Variants in ANK2 observed in about 807,000 individuals in gnomAD.
The protein encoded by ANK2 is ankyrin-2.
In ANK2, 83 loss-of-function variants were observed where a neutral mutation model predicts 360.5. That is an observed-to-expected ratio of 0.23 (90% CI 0.19 to 0.28). The LOEUF (loss-of-function observed/expected upper bound fraction) is 0.28. Among genes scored for constraint, ANK2 ranks in the 10% least tolerant of loss-of-function variants. The probability of loss-of-function intolerance (pLI) is 1.00; values close to 1 mark genes in which losing one functional copy is unlikely to be tolerated. For synonymous variants in ANK2, 1,740 were observed against 1,759.5 expected, an observed-to-expected ratio of 0.99 and a Z score of 0.28; for missense variants, 4,201 against 4,795.7, an observed-to-expected ratio of 0.88 and a Z score of 3.66.
At chr4:112,883,333 C>T (rs1404926020) in intron 1 of ANK2, among the ~76,000 whole-genome samples, 1 of 151,976 alleles carries the variant, frequency 6.6e-6, no homozygotes, top group Non-Finnish European at 1.5e-5. Flanking sequence ...GCCACCGCAC[C>T]CGGCCTGCTT....
rs865837638 is a variant in ANK2, at chr4:113,001,352, G to A, written c.21+96838G>A. 7.5e-3 allele frequency among the ~76,000 whole-genome samples: 1,062 copies of A among 141,234 alleles called. 16 individuals carry two copies. Among genetic ancestry groups the A allele is most frequent in the African/African-American group, 0.027 (1,013 of 36,930 alleles). 92.7% of individuals were successfully genotyped at this position (141,234 alleles called of 152,430 possible). On this transcript the variant is annotated intron_variant, in intron 2 of 30. Transcript: ENST00000503271. Reference sequence around the variant, plus strand: ...GTCTCAAAAAAAAAAAAAAAAAAAAGGTGAAACTTTATGCTTGACAATTAA... The same window carrying A: ...GTCTCAAAAAAAAAAAAAAAAAAAAAGTGAAACTTTATGCTTGACAATTAA...
chr4:113,132,874 T>G (rs1311332768), intron 1 of ANK2, among the ~76,000 whole-genome samples: 1 of 152,122 alleles, frequency 6.6e-6, no homozygotes, highest in Non-Finnish European at 1.5e-5. Flanking sequence ...CTGCTGATAT[T>G]GATTATGGGA....
chr4:113,351,180 A>G (rs2095391448), intron 37 of ANK2, among the ~76,000 whole-genome samples: 1 of 152,154 alleles, frequency 6.6e-6, no homozygotes, highest in South Asian at 2.1e-4. Flanking sequence ...TTTATTGAAT[A>G]TCAATAAACT....
At chr4:113,054,433 T>A (rs186167663) in intron 1 of ANK2, among the ~76,000 whole-genome samples, 25 of 152,242 alleles carry the variant, frequency 1.6e-4, no homozygotes, top group Admixed American at 1.3e-3. Context: ...ACCATAGAAA[T>A]GTGAATGAGG....
chr4:112,788,938 A>G, the ANK2 span: 1 of 612,800 alleles, frequency 1.6e-6, no homozygotes, highest in South Asian at 2.1e-5. Flanking sequence ...TCATCATCTC[A>G]AATACAGCAT....
chr4:112,873,982 T>C (rs2074144712), intron 1 of ANK2, among the ~76,000 whole-genome samples: 2 of 152,162 alleles, frequency 1.3e-5, no homozygotes, highest in African/African-American at 4.8e-5. Context: ...GTGAAAGTGA[T>C]TTAATAAATA....
At chr4:113,055,332 A>G (rs2069135886) in intron 1 of ANK2, among the ~76,000 whole-genome samples, 1 of 152,178 alleles carries the variant, frequency 6.6e-6, no homozygotes, top group African/African-American at 2.4e-5. Flanking sequence ...GGGTGAGGTC[A>G]TAGTAAGCCA....
At chr4:113,019,928 G>A (rs1275352572) in intron 2 of ANK2, among the ~76,000 whole-genome samples, 1 of 151,870 alleles carries the variant, frequency 6.6e-6, no homozygotes, top group African/African-American at 2.4e-5. Flanking sequence ...CAACTGTATA[G>A]ATAAGGGGCA....
chr4:112,993,534 C>T (rs1395947051), intron 2 of ANK2, among the ~76,000 whole-genome samples: 1 of 151,926 alleles, frequency 6.6e-6, no homozygotes, highest in East Asian at 1.9e-4. Flanking sequence ...TCTTGAACTC[C>T]TGACCCCATG....
intron 26 of ANK2, among the ~76,000 whole-genome samples, chr4:113,326,458 G>T (rs137959498): frequency 6.6e-6 from 1 of 151,934 alleles, no homozygotes; most frequent in African/African-American, 2.4e-5. Context: ...CATTATTTGA[G>T]TCTAATTTGT....
At position 113,013,981 on chromosome 4, in the gene ANK2, T is replaced by A. The variant is rs140602379; in HGVS notation, c.21+109467T>A. Among the ~76,000 whole-genome samples the A allele has an allele frequency of 4.2e-4, 64 of 152,284 alleles. No individual in the cohort carries two copies. The East Asian group carries it at 0.012, about 29-fold the overall frequency. Reference sequence around the variant, plus strand: ...AGGTTGTGCAACTGTTTCATTCCAATCTTGTATGTGGAATTTGATTCAATT... The same window carrying A: ...AGGTTGTGCAACTGTTTCATTCCAAACTTGTATGTGGAATTTGATTCAATT... On this transcript the variant is annotated intron_variant, in intron 2 of 30. Coordinates refer to the ANK2 transcript ENST00000503271.
intron 1 of ANK2, 122 bp downstream of exon 1, chr4:113,049,934 G>A: frequency 8.0e-7 from 1 of 1,253,748 alleles, no homozygotes; most frequent in Non-Finnish European, 1.1e-6. Flanking sequence ...GACGATAACA[G>A]TGCCAAGCCT....
chr4:113,142,801 A>G (rs1423318128), intron 1 of ANK2, among the ~76,000 whole-genome samples: 1 of 152,110 alleles, frequency 6.6e-6, no homozygotes, highest in African/African-American at 2.4e-5. Flanking sequence ...AGTTGTCAGC[A>G]TGTTACTTGG....
chr4:113,240,341 A>G, intron 7 of ANK2, 144 bp from the exon 8 acceptor site: 1 of 684,160 alleles, frequency 1.5e-6, no homozygotes, highest in Admixed American at 2.2e-5. Flanking sequence ...ACCTTATAAC[A>G]TTAAGATTTA....
intron 1 of ANK2, among the ~76,000 whole-genome samples, chr4:112,897,477 A>AT (rs1410912215): frequency 2.0e-5 from 3 of 152,068 alleles, no homozygotes; most frequent in African/African-American, 7.3e-5. Context: ...CAGCCTCTTT[A>AT]TTTTTTACAT....
intron 14 of ANK2, among the ~76,000 whole-genome samples, chr4:113,265,943 T>G (rs1347498657): frequency 1.3e-5 from 2 of 152,190 alleles, no homozygotes. Flanking sequence ...GCAGGTCACT[T>G]CACTTTCAAG....
chr4:112,867,271 GT>G (rs2070969131), intron 1 of ANK2, among the ~76,000 whole-genome samples: 1 of 151,890 alleles, frequency 6.6e-6, no homozygotes, highest in Non-Finnish European at 1.5e-5. Context: ...ATATTAAGAT[GT>G]TTGATCAGAT....
chr4:112,874,083 T>C (rs974635114), intron 1 of ANK2, among the ~76,000 whole-genome samples: 4 of 143,760 alleles, frequency 2.8e-5, no homozygotes, highest in South Asian at 4.5e-4. Flanking sequence ...GGGTTCTCTT[T>C]TTTTTTTTTT....
intron 1 of ANK2, among the ~76,000 whole-genome samples, chr4:112,848,286 A>T (rs1181250491): frequency 6.6e-6 from 1 of 152,088 alleles, no homozygotes; most frequent in African/African-American, 2.4e-5. Context: ...CAGCTTCCCA[A>T]GTAGCTGGGA....
Sources: gnomAD v4.1 joint callset for allele counts (sites outside exome capture counted in the v4.1 genomes callset) on GRCh38, gnomAD v4.1.1 for gene constraint, MANE v1.5 for transcripts, NCBI Gene and HGNC (gene_info 2026-07-23, HGNC 2026-07-21) for gene names.